Variants in SBK2 observed in about 807,000 individuals in gnomAD.
SBK2 encodes SH3 domain binding kinase family member 2, also known as serine/threonine-protein kinase SBK2.
In SBK2, 18 loss-of-function variants were observed where a neutral mutation model predicts 15.9. The observed-to-expected ratio is 1.13, with a 90% confidence interval of 0.78 to 1.68. The LOEUF is 1.68. Among genes scored for constraint, SBK2 ranks in the 40% most tolerant of loss-of-function variants. The pLI is 0.00. For missense variants in SBK2, 581 were observed against 510.9 expected, an observed-to-expected ratio of 1.14 and a Z score of -1.32; for synonymous variants, 284 against 246.8, an observed-to-expected ratio of 1.15 and a Z score of -1.41.
Position 55,531,899 on chromosome 19 carries a change from A to G in SBK2, c.254-554T>C, listed in dbSNP as rs761261090. Reference sequence around the variant, plus strand: ...CCGGCTGAGGCAGGAGAATTGCTTGAACCCAGGAGGCAGAGGTTGCAGTGA... The same window carrying G: ...CCGGCTGAGGCAGGAGAATTGCTTGGACCCAGGAGGCAGAGGTTGCAGTGA... On this transcript the variant is annotated intron_variant, in intron 2 of 3. Coordinates refer to ENST00000413299, the MANE Select transcript of SBK2 (RefSeq NM_001370096.2). Among the ~76,000 whole-genome samples the G allele has an allele frequency of 5.7e-4, 87 of 152,126 alleles. 1 individual carries two copies. The Middle Eastern group carries it at 0.027, about 48-fold the overall frequency.
Position 55,537,078 on chromosome 19 carries a change from C to T in SBK2, c.-27G>A, listed in dbSNP as rs117388931. On this transcript the variant is annotated 5_prime_UTR_variant, in exon 1 of 4. Coordinates refer to ENST00000413299, the MANE Select transcript of SBK2 (RefSeq NM_001370096.2). The stretch of plus-strand genomic sequence containing the variant: ...CCTCCTCCAAGGCCCTCCTGACCCT[C>T]CGGCCGCCGGCTGTGGTCAGTGCCC... The T allele has an allele frequency of 0.017, 2,657 of 153,038 alleles. 30 individuals are homozygous for T. Among genetic ancestry groups the T allele is most frequent in the African/African-American group, 0.031 (1,295 of 41,584 alleles). 9.5% of individuals were successfully genotyped at this position (153,038 alleles called of 1,614,324 possible).
chr19:55,536,397 GC>G, intron 1 of SBK2, 101 bp from the exon 2 acceptor site: 41 of 988,294 alleles, frequency 4.1e-5, no homozygotes, highest in African/African-American at 1.7e-4. Context: ...GGGGCTGGGG[GC>G]TCATCGCGCT....
intron 3 of SBK2, among the ~76,000 whole-genome samples, chr19:55,530,772 G>A (rs144267378): frequency 0.016 from 1,531 of 95,822 alleles, 476 homozygotes; most frequent in African/African-American, 0.064. Flanking sequence ...AGGCCTGTGG[G>A]TTTAGTGTGG....
rs771057914 is a variant in SBK2, at chr19:55,531,027, GGGGAGGCCCA to G, written c.456+106_456+115del. 4.9e-4 allele frequency: 450 copies of G among 920,718 alleles called. 1 individual carries two copies. Among genetic ancestry groups the G allele is most frequent in the Non-Finnish European group, 6.8e-4 (402 of 595,062 alleles). 57.0% of individuals were successfully genotyped at this position (920,718 alleles called of 1,614,324 possible). On this transcript the variant is annotated intron_variant, in intron 3 of 3. Coordinates refer to ENST00000413299, the MANE Select transcript of SBK2 (RefSeq NM_001370096.2). ...CCCCACGAGGGGCCTCCGGGGGGTA[GGGGAGGCCCA>G]GGGAGGCCCAACGCAGTGGCTGTGG...
intron 3 of SBK2, among the ~76,000 whole-genome samples, chr19:55,530,906 C>T (rs1988239223): frequency 1.3e-5 from 2 of 152,250 alleles, no homozygotes; most frequent in African/African-American, 4.8e-5. Context: ...TCCAGTGTGA[C>T]CTGGGGCTGC....
chr19:55,534,077 T>G (rs1484824167), intron 2 of SBK2, among the ~76,000 whole-genome samples: 1 of 152,190 alleles, frequency 6.6e-6, no homozygotes, highest in African/African-American at 2.4e-5. Flanking sequence ...TGCTGTTGTG[T>G]GGCTGTGTTA....
Position 55,529,999 on chromosome 19 carries a change from A to T in SBK2, c.781T>A (p.Phe261Ile). 1 of 1,523,804 alleles carries T rather than the reference A, an allele frequency of 6.6e-7. No homozygotes were observed. Among genetic ancestry groups the T allele is most frequent in the Non-Finnish European group, 8.8e-7 (1 of 1,137,814 alleles). 94.4% of individuals were successfully genotyped at this position (1,523,804 alleles called of 1,614,324 possible). ...VLLFCLLTGY[F>I]PWDRPLAEAD... is the part of the protein sequence containing the mutation. ...TCGGCCAGGGGCCGGTCCCAGGGGA[A>T]GTAGCCCGTGAGGAGGCAGAAGAGC... Residue 261 changes from phenylalanine (F) to isoleucine (I), a missense_variant, in exon 4 of 4, where the codon TTC becomes ATC. Phe to Ile is a conservative substitution (Grantham distance 21). Coordinates refer to ENST00000413299, the MANE Select transcript of SBK2 (RefSeq NM_001370096.2).
In SBK2 at chr19:55,529,625, G is replaced by A; in HGVS notation, c.*108C>T. On this transcript the variant is annotated 3_prime_UTR_variant, in exon 4 of 4. Transcript: ENST00000413299. Reference sequence around the variant, plus strand: ...AGGAGAGAGGAGGAGGACGCCGAGGGGAATCCCAAGCCCCATGGATGAAAA... The same window carrying A: ...AGGAGAGAGGAGGAGGACGCCGAGGAGAATCCCAAGCCCCATGGATGAAAA... 2 of 1,423,594 alleles carry A rather than the reference G, an allele frequency of 1.4e-6. No homozygotes were observed. Among genetic ancestry groups the A allele is most frequent in the Non-Finnish European group, 9.3e-7 (1 of 1,079,702 alleles). The allele number at this position is 1,423,594 out of a possible 1,614,324, so 88.2% of individuals were successfully genotyped here.
chr19:55,532,752 C>T (rs984054500), intron 2 of SBK2, among the ~76,000 whole-genome samples: 7 of 152,078 alleles, frequency 4.6e-5, no homozygotes, highest in African/African-American at 7.2e-5. Context: ...AGTTGTGCAC[C>T]GCCACTGGGC....
rs775432693 is a variant in SBK2 at position 55,531,347 on chromosome 19, T to C, written c.254-2A>G. 4.4e-6 allele frequency: 7 copies of C among 1,598,318 alleles called. No individual in the cohort carries two copies. The South Asian group carries it at 5.6e-5, about 13-fold the overall frequency. On this transcript the variant is annotated splice_acceptor_variant, in intron 2 of 3. Coordinates refer to ENST00000413299, the MANE Select transcript of SBK2 (RefSeq NM_001370096.2). LOFTEE classifies it high-confidence loss of function. ...GCTGCTTCAGTGCCAGGGGTGTGCC[T>C]GGGGCAGCAGGGACAGGTATGGGAG... is the stretch of plus-strand genomic sequence containing the variant.
rs1465349249 is a variant in SBK2 at position 55,530,483 on chromosome 19, GC to G, written c.457-161del. Among the ~76,000 whole-genome samples the G allele has an allele frequency of 9.1e-4, 72 of 79,346 alleles. 24 individuals carry two copies. Among genetic ancestry groups the G allele is most frequent in the African/African-American group, 2.4e-3 (68 of 28,370 alleles). 52.1% of individuals were successfully genotyped at this position (79,346 alleles called of 152,430 possible). On this transcript the variant is annotated intron_variant, in intron 3 of 3. Transcript: ENST00000413299. ...CTGTGAGGCCTGCGGGTTTAGTGTG[GC>G]CTAGGGTGACCCCGTGAGGCCTAGT...
intron 2 of SBK2, among the ~76,000 whole-genome samples, chr19:55,534,720 A>AAAG (rs58879531): frequency 3.9e-4 from 54 of 138,682 alleles, no homozygotes; most frequent in African/African-American, 1.5e-3. Flanking sequence ...AAAAAAAAAA[A>AAAG]GAAAAAAAAA....
chr19:55,536,592 G>A (rs570928127), intron 1 of SBK2, among the ~76,000 whole-genome samples: 1 of 152,016 alleles, frequency 6.6e-6, no homozygotes, highest in African/African-American at 2.4e-5. Context: ...ACAGACTTGG[G>A]CCCTGGGGGT....
chr19:55,534,390 A>G (rs1242005090), intron 2 of SBK2, among the ~76,000 whole-genome samples: 1 of 152,112 alleles, frequency 6.6e-6, no homozygotes, highest in African/African-American at 2.4e-5. Context: ...TCGGGCTTCC[A>G]GCCTCCAAAG....
chr19:55,536,255 C>T lies in SBK2; in HGVS notation c.40G>A (p.Gly14Arg). 5 of 1,592,020 alleles carry T rather than the reference C, an allele frequency of 3.1e-6. No individual in the cohort carries two copies. The highest frequency in any genetic ancestry group is 1.4e-5 in the African/African-American group (1 of 70,554). Residue 14 changes from glycine to arginine, a missense_variant, in exon 2 of 4, where the codon GGG (glycine) becomes AGG (arginine). Transcript: ENST00000413299. ...KQSEEGPAEA[G>R]ASEDSEEEGL... is the part of the protein sequence containing the mutation. ...TCCTCCTCGCTGTCCTCCGAAGCCC[C>T]TGCCTCCGCCGGCCCTTCCTCAGAC...
chr19:55,536,789 C>A (rs1231744562), intron 1 of SBK2, among the ~76,000 whole-genome samples: 1 of 148,460 alleles, frequency 6.7e-6, no homozygotes, highest in Admixed American at 6.7e-5. Context: ...TCCGACCCAG[C>A]CCCCCAGCCC....
Position 55,529,601 on chromosome 19 carries a change from GGA to G in SBK2, c.*130_*131del, listed in dbSNP as rs1988189323. On this transcript the variant is annotated 3_prime_UTR_variant, in exon 4 of 4. Coordinates refer to ENST00000413299, the MANE Select transcript of SBK2 (RefSeq NM_001370096.2). Reference sequence around the variant, plus strand: ...AAGGGAGGAATGCAGCCTGCAGAGAGGAGAGAGGAGGAGGACGCCGAGGGGAA... The same window carrying G: ...AAGGGAGGAATGCAGCCTGCAGAGAGGAGAGGAGGAGGACGCCGAGGGGAA... 1.3e-6 allele frequency: 1 copy of G among 797,190 alleles called. No individual in the cohort carries two copies. Among genetic ancestry groups the G allele is most frequent in the Non-Finnish European group, 1.7e-6 (1 of 605,474 alleles). 49.4% of individuals were successfully genotyped at this position (797,190 alleles called of 1,614,324 possible).
chr19:55,532,584 G>T (rs1346329217), intron 2 of SBK2, among the ~76,000 whole-genome samples: 1 of 147,726 alleles, frequency 6.8e-6, no homozygotes, highest in Non-Finnish European at 1.5e-5. Context: ...TTACAGGTGT[G>T]AGCCACTACA....
At chr19:55,531,559 C>CT (rs1279812938) in intron 2 of SBK2, among the ~76,000 whole-genome samples, 1 of 152,252 alleles carries the variant, frequency 6.6e-6, no homozygotes, top group Non-Finnish European at 1.5e-5. Context: ...TTATAGCACG[C>CT]TGGGGACCAG....
Sources: allele counts gnomAD v4.1 joint callset (sites outside exome capture counted in the v4.1 genomes callset), GRCh38; gene constraint gnomAD v4.1.1; transcripts MANE v1.5; gene names NCBI Gene and HGNC (gene_info 2026-07-23, HGNC 2026-07-21).